Variants in ADK observed in about 807,000 individuals in gnomAD.
The protein encoded by ADK is adenosine kinase.
ADK carries 24 observed loss-of-function variants against 44.7 expected under a neutral mutation model. The observed-to-expected ratio is 0.54, with a 90% CI of 0.39 to 0.76. The LOEUF is 0.76. ADK is among the 30% of genes least tolerant of loss of function. The pLI is 0.00. For missense variants in ADK, 321 were observed against 425.1 expected (o/e 0.76, Z 2.15); for synonymous variants, 128 against 142.6 (o/e 0.90, Z 0.73).
intron 3 of ADK, among the ~76,000 whole-genome samples, chr10:74,286,132 A>G (rs1847152878): frequency 6.6e-6 from 1 of 152,058 alleles, no homozygotes; most frequent in Non-Finnish European, 1.5e-5. Context: ...AGCTTACTGT[A>G]ACCTCACACT....
intron 1 of ADK, among the ~76,000 whole-genome samples, chr10:74,192,757 C>A (rs1462707284): frequency 1.3e-5 from 2 of 150,860 alleles, no homozygotes; most frequent in African/African-American, 2.4e-5. Context: ...GAGCTCTGGC[C>A]TCAAGTGATC....
intron 2 of ADK, among the ~76,000 whole-genome samples, chr10:74,203,325 T>G (rs543982971): frequency 6.6e-6 from 1 of 152,220 alleles, no homozygotes; most frequent in East Asian, 1.9e-4. Context: ...CTTATGCCAG[T>G]ATGACATTGG....
intron 6 of ADK, among the ~76,000 whole-genome samples, chr10:74,503,134 G>A (rs746978231): frequency 2.0e-5 from 3 of 152,168 alleles, no homozygotes; most frequent in African/African-American, 4.8e-5. Flanking sequence ...CAATAGCAGA[G>A]TTGAGTGGTT....
intron 4 of ADK, among the ~76,000 whole-genome samples, chr10:74,353,946 G>T (rs1454374883): frequency 6.6e-6 from 1 of 152,208 alleles, no homozygotes; most frequent in Admixed American, 6.5e-5. Flanking sequence ...CTGAATTACA[G>T]AAAGTCATAG....
intron 9 of ADK, among the ~76,000 whole-genome samples, chr10:74,639,947 T>A (rs189850152): frequency 4.9e-4 from 74 of 152,312 alleles, no homozygotes; most frequent in Non-Finnish European, 1.0e-3. Context: ...GTATTTTCCA[T>A]GTCTTATTTT....
At position 74,497,707 on chromosome 10, in the gene ADK, T is replaced by C. The variant is rs528024018; in HGVS notation, c.556-27549T>C. Among the ~76,000 whole-genome samples, 12 of 152,306 alleles carry C rather than the reference T, an allele frequency of 7.9e-5. No individual in the cohort carries two copies. The South Asian group carries it at 2.5e-3, about 32-fold the overall frequency. ...CAAGATGAGTGCAGTGGTACACTCC[T>C]GTAGTCCCAGCTGCTTGGGAGGCAG... On this transcript the variant is annotated intron_variant, in intron 6 of 10. Coordinates refer to ENST00000539909, the MANE Select transcript of ADK (RefSeq NM_006721.4).
chr10:74,554,179 T>C (rs1458115505), intron 7 of ADK, among the ~76,000 whole-genome samples: 5 of 152,206 alleles, frequency 3.3e-5, no homozygotes, highest in Admixed American at 3.3e-4. Flanking sequence ...AGGGTAATTA[T>C]ACATTAATGT....
intron 6 of ADK, among the ~76,000 whole-genome samples, chr10:74,515,724 A>C (rs1321017875): frequency 6.6e-6 from 1 of 152,146 alleles, no homozygotes; most frequent in East Asian, 1.9e-4. Flanking sequence ...TCAGAGGCTC[A>C]GGGAGGTCTC....
intron 7 of ADK, among the ~76,000 whole-genome samples, chr10:74,538,498 G>T (rs1849528808): frequency 6.6e-6 from 1 of 152,180 alleles, no homozygotes; most frequent in Non-Finnish European, 1.5e-5. Flanking sequence ...GCAAAATTCT[G>T]CAGTTTGTTG....
In ADK at chr10:74,555,108, G is replaced by A. The variant is rs146617593; in HGVS notation, c.726+29682G>A. Among the ~76,000 whole-genome samples, 12 of 152,224 alleles carry A rather than the reference G, an allele frequency of 7.9e-5. 1 individual carries two copies. The highest frequency in any genetic ancestry group is 1.9e-4 in the African/African-American group (8 of 41,530). On this transcript the variant is annotated intron_variant, in intron 7 of 10. Transcript: ENST00000539909. Reference sequence around the variant, plus strand: ...GCCCAGGAGTTCAAGACCAGCCTGGGCAACATAGGGAGACCCCGTCTCTAC... The same window carrying A: ...GCCCAGGAGTTCAAGACCAGCCTGGACAACATAGGGAGACCCCGTCTCTAC...
At chr10:74,565,671 G>A (rs531971486) in intron 7 of ADK, among the ~76,000 whole-genome samples, 3 of 142,098 alleles carry the variant, frequency 2.1e-5, no homozygotes, top group Non-Finnish European at 4.5e-5. Context: ...AGGTTGCAGT[G>A]AGCCGAGATC....
chr10:74,700,991 T>C (rs1208624590), intron 10 of ADK, among the ~76,000 whole-genome samples: 1 of 152,236 alleles, frequency 6.6e-6, no homozygotes, highest in Admixed American at 6.5e-5. Context: ...AGTTACATGC[T>C]GAACACAGTA....
At chr10:74,565,023 A>G (rs920279538) in intron 7 of ADK, among the ~76,000 whole-genome samples, 2 of 152,184 alleles carry the variant, frequency 1.3e-5, no homozygotes, top group Non-Finnish European at 2.9e-5. Flanking sequence ...GCATCTCCAG[A>G]TAGACTTTTT....
rs544768721 is a variant in ADK, at chr10:74,390,677, A to T, written c.274-3464A>T. On this transcript the variant is annotated intron_variant, in intron 4 of 10. Coordinates refer to ENST00000539909, the MANE Select transcript of ADK (RefSeq NM_006721.4). ...TTGATAGCTGTTTAATTTTATTCTCAGTCCAGGATCCAATAAGAATCACAC... is the reference window on the plus strand; with the variant it reads ...TTGATAGCTGTTTAATTTTATTCTCTGTCCAGGATCCAATAAGAATCACAC... 3.3e-5 allele frequency among the ~76,000 whole-genome samples: 5 copies of T among 152,276 alleles called. No individual in the cohort carries two copies. In the East Asian group the frequency reaches 9.6e-4, roughly 29 times the overall value.
At chr10:74,279,218 T>C (rs1408504338) in intron 3 of ADK, among the ~76,000 whole-genome samples, 1 of 151,998 alleles carries the variant, frequency 6.6e-6, no homozygotes, top group Non-Finnish European at 1.5e-5. Context: ...AGGCGGAGGT[T>C]GCAGTGATCC....
At chr10:74,268,867 A>T (rs1846314323) in intron 3 of ADK, among the ~76,000 whole-genome samples, 1 of 152,216 alleles carries the variant, frequency 6.6e-6, no homozygotes, top group Non-Finnish European at 1.5e-5. Context: ...ATGTGGGGAA[A>T]TATAAATTAT....
At chr10:74,291,758 T>C (rs1335041944) in intron 3 of ADK, among the ~76,000 whole-genome samples, 1 of 151,296 alleles carries the variant, frequency 6.6e-6, no homozygotes, top group Non-Finnish European at 1.5e-5. Flanking sequence ...GGGTAGACAG[T>C]TGGCAAAGGA....
rs751576100 is a variant in ADK, at chr10:74,398,507, T to C, written c.483T>C (p.Tyr161=). 8 of 1,611,696 alleles carry C rather than the reference T, an allele frequency of 5.0e-6. No individual in the cohort carries two copies. The highest frequency in any genetic ancestry group is 5.9e-6 in the Non-Finnish European group (7 of 1,178,582). Residue 161 remains tyrosine, a synonymous_variant, in exon 6 of 11, where the codon TAT becomes TAC. Transcript: ENST00000539909. The stretch of plus-strand genomic sequence containing the variant: ...CTAATCTTGCTGCTGCCAATTGTTA[T>C]AAAAAGGAAAAACATCTTGATCTGG... ...LIANLAAANC[Y]KKEKHLDLEK...
At chr10:74,474,675 TGG>T (rs139335678) in intron 6 of ADK, among the ~76,000 whole-genome samples, 1 of 151,616 alleles carries the variant, frequency 6.6e-6, no homozygotes, top group Non-Finnish European at 1.5e-5. Context: ...CCCATGTGTG[TGG>T]GGGTGTGTGT....
Sources: allele counts gnomAD v4.1 joint callset (sites outside exome capture counted in the v4.1 genomes callset), GRCh38; gene constraint gnomAD v4.1.1; transcripts MANE v1.5; gene names NCBI Gene and HGNC (gene_info 2026-07-23, HGNC 2026-07-21).